The following MAP1LC3B variants were observed in gnomAD, a reference collection of about 807,000 sequenced individuals.
MAP1LC3B encodes the protein microtubule associated protein 1 light chain 3 beta.
MAP1LC3B carries 12 observed loss-of-function variants against 16.7 expected under a neutral mutation model. The ratio of observed to expected loss-of-function variants is 0.72; its 90% CI spans 0.46 to 1.16. The LOEUF (loss-of-function observed/expected upper bound fraction) is 1.16, where lower values mean the gene tolerates loss of function less well. MAP1LC3B is among the 50% of genes most tolerant of loss of function. The pLI is 0.00. For missense variants in MAP1LC3B, 155 were observed against 159.5 expected, an observed-to-expected ratio of 0.97 and a Z score of 0.15; for synonymous variants, 63 against 56.5, an observed-to-expected ratio of 1.11 and a Z score of -0.51.
intron 3 of MAP1LC3B, 108 bp from the exon 4 acceptor site, chr16:87,402,815 T>G: frequency 7.6e-7 from 1 of 1,313,168 alleles, no homozygotes; most frequent in Non-Finnish European, 1.0e-6. Flanking sequence ...TTCAAGAGCA[T>G]TTAGAACATT....
intron 2 of MAP1LC3B, among the ~76,000 whole-genome samples, chr16:87,401,381 A>T (rs1427416045): frequency 6.6e-6 from 1 of 152,120 alleles, no homozygotes; most frequent in East Asian, 1.9e-4. Context: ...CTCTTGTACT[A>T]TATTTTGTAA....
intron 3 of MAP1LC3B, 37 bp from the exon 4 acceptor site, chr16:87,402,883 ATTG>A (rs773050223): frequency 3.6e-5 from 58 of 1,610,672 alleles, no homozygotes; most frequent in East Asian, 6.7e-5. Flanking sequence ...TCCTTCTTGT[ATTG>A]TTGTCAATAT....
chr16:87,392,509 G>A (rs1907619442), intron 1 of MAP1LC3B, 42 bp downstream of exon 1: 1 of 1,291,572 alleles, frequency 7.7e-7, no homozygotes. Flanking sequence ...CGGGGCCGGG[G>A]TCCGAGCTGT....
intron 2 of MAP1LC3B, among the ~76,000 whole-genome samples, chr16:87,401,149 A>C (rs945553393): frequency 6.6e-5 from 10 of 151,730 alleles, no homozygotes; most frequent in African/African-American, 2.4e-4. Flanking sequence ...AAAAAAAAAA[A>C]AAAAAAACTT....
chr16:87,403,300 A>G lies in MAP1LC3B; in HGVS notation c.*203A>G, dbSNP rs568636992. The G allele has an allele frequency of 8.3e-6, 4 of 482,458 alleles. No individual in the cohort carries two copies. The highest frequency in any genetic ancestry group is 7.6e-5 in the Admixed American group (2 of 26,248). 29.9% of individuals were successfully genotyped at this position (482,458 alleles called of 1,614,324 possible). A position where few individuals can be genotyped will look rare whatever the true frequency, so the allele number is the denominator to read the frequency against. ...GTGAGCACATTCAGCTTTGGAAACT[A>G]TATTATTTAATGTAGGCTAGCTTGT... On this transcript the variant is annotated 3_prime_UTR_variant, in exon 4 of 4. Coordinates refer to ENST00000268607, the MANE Select transcript of MAP1LC3B (RefSeq NM_022818.5).
At chr16:87,398,728 G>C in intron 1 of MAP1LC3B, 87 bp from the exon 2 acceptor site, 8 of 1,190,630 alleles carry the variant, frequency 6.7e-6, no homozygotes, top group Non-Finnish European at 7.5e-6. Flanking sequence ...ACAGCTAGCA[G>C]CTGAACTTGG....
chr16:87,398,780 C>T, intron 1 of MAP1LC3B, 35 bp from the exon 2 acceptor site: 1 of 1,606,852 alleles, frequency 6.2e-7, no homozygotes, highest in Non-Finnish European at 8.5e-7. Context: ...CTGCCTGGCC[C>T]TTAGTAATGC....
chr16:87,401,696 A>G (rs1450734763), intron 2 of MAP1LC3B, among the ~76,000 whole-genome samples: 1 of 151,902 alleles, frequency 6.6e-6, no homozygotes, highest in Non-Finnish European at 1.5e-5. Flanking sequence ...CACCTGGATA[A>G]TTTTTGTATT....
chr16:87,393,116 C>G (rs946928439), intron 1 of MAP1LC3B: 1 of 152,290 alleles, frequency 6.6e-6, no homozygotes, highest in African/African-American at 2.4e-5. Context: ...GGGTGGGAGA[C>G]TTCTCTTGGG....
chr16:87,395,850 T>C (rs977719839), intron 1 of MAP1LC3B, among the ~76,000 whole-genome samples: 5 of 135,408 alleles, frequency 3.7e-5, no homozygotes, highest in Middle Eastern at 3.5e-3. Context: ...TTTCCTTCTT[T>C]CCTTTTTTTT....
At chr16:87,400,849 C>T (rs1459565105) in intron 2 of MAP1LC3B, among the ~76,000 whole-genome samples, 1 of 151,960 alleles carries the variant, frequency 6.6e-6, no homozygotes, top group Non-Finnish European at 1.5e-5. Flanking sequence ...ATTAGAACTT[C>T]AGCTGGCCGG....
rs745648568 is a variant in MAP1LC3B, at chr16:87,392,507, G to GGGTCCGA, written c.40+42_40+48dup. 1.6e-4 allele frequency: 206 copies of GGGTCCGA among 1,292,972 alleles called. 1 individual carries two copies. The highest frequency in any genetic ancestry group is 1.6e-5 in the Non-Finnish European group (16 of 1,023,664). 80.1% of individuals were successfully genotyped at this position (1,292,972 alleles called of 1,614,324 possible). On this transcript the variant is annotated intron_variant, in intron 1 of 3. Transcript: ENST00000268607. ...GAGGGCGGCGGGTGCGGCGGGGCCG[G>GGGTCCGA]GGTCCGAGCTGTGGAGGGCGGCAGG...
intron 1 of MAP1LC3B, among the ~76,000 whole-genome samples, chr16:87,395,844 CTTCT>C (rs1353922629): frequency 3.3e-4 from 45 of 137,084 alleles, no homozygotes; most frequent in African/African-American, 1.2e-3. Context: ...CTGTTTTTTC[CTTCT>C]TTCCTTTTTT....
chr16:87,399,271 C>CA (rs1160155678), intron 2 of MAP1LC3B: 1 of 264,524 alleles, frequency 3.8e-6, no homozygotes, highest in East Asian at 1.0e-4. Context: ...CTTGACCTCT[C>CA]AAAGTGTTGG....
At position 87,399,574 on chromosome 16, in the gene MAP1LC3B, C is replaced by G. The variant is rs144243810; in HGVS notation, c.96+704C>G. 1,935 of 449,634 alleles carry G rather than the reference C, an allele frequency of 4.3e-3. 10 individuals are homozygous for G. The highest frequency in any genetic ancestry group is 6.8e-3 in the Non-Finnish European group (1,542 of 225,264). 27.9% of individuals were successfully genotyped at this position (449,634 alleles called of 1,614,324 possible). The stretch of plus-strand genomic sequence containing the variant: ...ATGTAAAGATTTCCCATTCCTGCCA[C>G]TCAACTTCTCTTTGTTGTGACAGGG... On this transcript the variant is annotated intron_variant, in intron 2 of 3. Transcript: ENST00000268607.
intron 1 of MAP1LC3B, among the ~76,000 whole-genome samples, chr16:87,397,112 C>T (rs901889352): frequency 6.6e-6 from 1 of 152,098 alleles, no homozygotes; most frequent in East Asian, 1.9e-4. Flanking sequence ...AGGCATGAGC[C>T]ACTGCGCCCA....
chr16:87,392,868 GC>G (rs766066973), intron 1 of MAP1LC3B: 1 of 152,000 alleles, frequency 6.6e-6, no homozygotes, highest in South Asian at 2.1e-4. Flanking sequence ...CGCTTCTGGG[GC>G]CCAACAGCCC....
intron 2 of MAP1LC3B, chr16:87,399,184 T>G (rs763106055): frequency 3.1e-6 from 1 of 325,856 alleles, no homozygotes; most frequent in East Asian, 6.7e-5. Flanking sequence ...TTTTTTAAGT[T>G]TTTTGTAGAG....
At chr16:87,392,946 G>C (rs548432075) in intron 1 of MAP1LC3B, 18 of 152,430 alleles carry the variant, frequency 1.2e-4, no homozygotes, top group African/African-American at 4.3e-4. Flanking sequence ...GTCACCTTCA[G>C]GGCTGGTTTT....
Sources: allele counts gnomAD v4.1 joint callset (sites outside exome capture counted in the v4.1 genomes callset), GRCh38; gene constraint gnomAD v4.1.1; transcripts MANE v1.5; gene names NCBI Gene and HGNC (gene_info 2026-07-23, HGNC 2026-07-21).